Variants in XXYLT1 observed in about 807,000 individuals in gnomAD.
The protein encoded by XXYLT1 is xyloside xylosyltransferase 1, also known as UDP-xylose:alpha-xyloside alpha-1,3-xylosyltransferase.
A neutral mutation model predicts 28.9 loss-of-function variants in XXYLT1; 20 were observed. That is an observed-to-expected ratio of 0.69 (90% CI 0.49 to 1.00). XXYLT1 has a LOEUF of 1.00. XXYLT1 is among the 50% of genes least tolerant of loss of function. The pLI, the probability that XXYLT1 is intolerant of heterozygous loss-of-function variation, is 0.00. For synonymous variants in XXYLT1, 257 were observed against 253.8 expected (o/e 1.01, Z -0.12); for missense variants, 542 against 560.1 (o/e 0.97, Z 0.33).
chr3:195,188,810 G>A (rs985503442), intron 2 of XXYLT1, among the ~76,000 whole-genome samples: 10 of 152,178 alleles, frequency 6.6e-5, no homozygotes, highest in African/African-American at 2.4e-4. Context: ...TCCCTCCACA[G>A]CCAACTTTGT....
chr3:195,177,778 AT>A (rs557377521), intron 2 of XXYLT1, among the ~76,000 whole-genome samples: 2 of 152,122 alleles, frequency 1.3e-5, no homozygotes, highest in South Asian at 4.1e-4. Context: ...AAATAAAAAA[AT>A]AAAAAATAAA....
chr3:195,174,942 C>G (rs1162006893), intron 2 of XXYLT1, among the ~76,000 whole-genome samples: 1 of 152,072 alleles, frequency 6.6e-6, no homozygotes, highest in Non-Finnish European at 1.5e-5. Context: ...GTTTACTTAT[C>G]TATGGTTGGC....
intron 2 of XXYLT1, among the ~76,000 whole-genome samples, chr3:195,225,106 T>C (rs1296476652): frequency 6.6e-6 from 1 of 152,190 alleles, no homozygotes; most frequent in African/African-American, 2.4e-5. Context: ...GGGCAGGTCT[T>C]GCAACTCCTC....
intron 2 of XXYLT1, among the ~76,000 whole-genome samples, chr3:195,191,657 T>C (rs1722424036): frequency 1.3e-5 from 2 of 152,160 alleles, no homozygotes; most frequent in South Asian, 4.1e-4. Context: ...CAGACAAGTT[T>C]AAAGTTTAAA....
At chr3:195,123,939 A>G (rs770235958) in intron 3 of XXYLT1, among the ~76,000 whole-genome samples, 2 of 152,370 alleles carry the variant, frequency 1.3e-5, no homozygotes, top group East Asian at 1.9e-4. Context: ...GAAAACAGGT[A>G]TCATGTGAAC....
intron 3 of XXYLT1, among the ~76,000 whole-genome samples, chr3:195,109,635 G>A (rs1717366432): frequency 6.8e-6 from 1 of 147,246 alleles, no homozygotes; most frequent in African/African-American, 2.5e-5. Flanking sequence ...TGGTGTCTGT[G>A]TGGTGTGTGT....
At chr3:195,239,914 T>C (rs1724705942) in intron 1 of XXYLT1, among the ~76,000 whole-genome samples, 1 of 152,218 alleles carries the variant, frequency 6.6e-6, no homozygotes, top group Admixed American at 6.5e-5. Flanking sequence ...TAATGACATT[T>C]CTCAAAGTAG....
intron 3 of XXYLT1, among the ~76,000 whole-genome samples, chr3:195,110,966 T>C (rs985961846): frequency 1.0e-4 from 15 of 144,882 alleles, no homozygotes; most frequent in African/African-American, 3.3e-4. Flanking sequence ...CAGGGTGATA[T>C]TTATTTTCTA....
intron 3 of XXYLT1, among the ~76,000 whole-genome samples, chr3:195,091,356 T>C (rs919023336): frequency 5.1e-5 from 6 of 117,162 alleles, no homozygotes; most frequent in African/African-American, 2.5e-4. Flanking sequence ...ATCCCTGGGA[T>C]GCAAGGCTGG....
At chr3:195,119,311 TAAC>T in intron 3 of XXYLT1, among the ~76,000 whole-genome samples, 1 of 134,006 alleles carries the variant, frequency 7.5e-6, no homozygotes, top group South Asian at 2.3e-4. Context: ...AAAAAGGAAA[TAAC>T]ATATATAGTG....
chr3:195,252,721 C>CAGAGAG (rs1313681253), intron 1 of XXYLT1, among the ~76,000 whole-genome samples: 89 of 134,912 alleles, frequency 6.6e-4, no homozygotes, highest in African/African-American at 2.5e-3. Flanking sequence ...CACACACACA[C>CAGAGAG]ACACACAGAG....
chr3:195,175,634 CA>C, intron 2 of XXYLT1: 1 of 1,536,174 alleles, frequency 6.5e-7, no homozygotes, highest in South Asian at 1.2e-5. Flanking sequence ...TGCTCACCCG[CA>C]CTCTGCCTTC....
In XXYLT1 at chr3:195,121,399, G is replaced by A. The variant is rs79969045; in HGVS notation, c.785+35050C>T. 5.9e-3 allele frequency among the ~76,000 whole-genome samples: 897 copies of A among 152,254 alleles called. 4 individuals carry two copies. The highest frequency in any genetic ancestry group is 0.021 in the African/African-American group (862 of 41,550). ...GGATGGAGACTGACGCCCACCACCC[G>A]CATCTCTGCTCCTTTAACTCCTTTT... On this transcript the variant is annotated intron_variant, in intron 3 of 3. Transcript: ENST00000310380.
At position 195,256,241 on chromosome 3, in the gene XXYLT1, C is replaced by T. The variant is rs1053251393; in HGVS notation, c.504+14314G>A. On this transcript the variant is annotated intron_variant, in intron 1 of 3. Transcript: ENST00000310380. This position sits in a 1 kb window ranked among gnomAD's most constrained non-coding sequence, Gnocchi z 4.2. ...GCCTCTTCCTAGGGGAGACTAGCTA[C>T]CCCTCACAGGCCTGGCTGCTCCAAG... Among the ~76,000 whole-genome samples the T allele has an allele frequency of 3.3e-5, 5 of 152,216 alleles. No individual in the cohort carries two copies. Among genetic ancestry groups the T allele is most frequent in the African/African-American group, 1.2e-4 (5 of 41,452 alleles).
intron 2 of XXYLT1, chr3:195,175,633 G>C (rs1300853766): frequency 1.3e-6 from 2 of 1,536,112 alleles, no homozygotes; most frequent in Non-Finnish European, 1.7e-6. Context: ...GTGCTCACCC[G>C]CACTCTGCCT....
intron 3 of XXYLT1, among the ~76,000 whole-genome samples, chr3:195,099,090 C>T (rs544312058): frequency 1.3e-5 from 2 of 152,274 alleles, no homozygotes; most frequent in South Asian, 2.1e-4. Context: ...GTGTAATTAA[C>T]GTGGAATGTA....
chr3:195,268,451 A>C (rs1725910589), intron 1 of XXYLT1, among the ~76,000 whole-genome samples: 1 of 151,278 alleles, frequency 6.6e-6, no homozygotes, highest in African/African-American at 2.4e-5. Flanking sequence ...AAAACAAAAA[A>C]TTTAGCCAGC....
At chr3:195,157,756 C>G (rs896310996) in intron 2 of XXYLT1, among the ~76,000 whole-genome samples, 3 of 152,106 alleles carry the variant, frequency 2.0e-5, no homozygotes, top group African/African-American at 7.2e-5. Context: ...AAAGAGGGGG[C>G]GCATGGGGTT....
intron 2 of XXYLT1, among the ~76,000 whole-genome samples, chr3:195,181,218 G>GC (rs1721934178): frequency 6.6e-6 from 1 of 152,206 alleles, no homozygotes; most frequent in African/African-American, 2.4e-5. Context: ...GACAATGACG[G>GC]CTCCATAAAG....
Sources: gnomAD v4.1 joint callset for allele counts (sites outside exome capture counted in the v4.1 genomes callset) on GRCh38, gnomAD v4.1.1 for gene constraint, Gnocchi (gnomAD v3.1) non-coding constraint, MANE v1.5 for transcripts, NCBI Gene and HGNC (gene_info 2026-07-23, HGNC 2026-07-21) for gene names.